NBPF10: variants seen among roughly 807,000 people sequenced by gnomAD.
The protein encoded by NBPF10 is NBPF family member NBPF10.
Under a neutral mutation model 77.9 loss-of-function variants are expected in NBPF10, and 63 were observed. The observed-to-expected ratio is 0.81, with a 90% CI of 0.66 to 1.00. The LOEUF (loss-of-function observed/expected upper bound fraction) is 1.00. Among genes scored for constraint, NBPF10 ranks in the 50% least tolerant of loss-of-function variants. NBPF10 has a pLI of 0.00. For synonymous variants in NBPF10, 146 were observed against 264.5 expected, an observed-to-expected ratio of 0.55 and a Z score of 4.35; for missense variants, 522 against 679.8, an observed-to-expected ratio of 0.77 and a Z score of 2.58.
chr1:146,076,272 C>T (rs1179919837), intron 77 of NBPF10, among the ~76,000 whole-genome samples: 1 of 12,426 alleles, frequency 8.0e-5, no homozygotes, highest in African/African-American at 1.6e-4. Flanking sequence ...CACACACACA[C>T]ACACACACAC....
At position 146,127,927 on chromosome 1, in the gene NBPF10, T is replaced by C. The variant is rs1160429128; in HGVS notation, c.1801+192A>G. On this transcript the variant is annotated intron_variant, in intron 12 of 89. Coordinates refer to ENST00000583866, the Ensembl canonical transcript of NBPF10. ...GCATGGCCTGAGACTAGGAAGAGAG[T>C]AAAGCTCACTGACCCACCCCATGCC... 4.7e-4 allele frequency among the ~76,000 whole-genome samples: 69 copies of C among 147,622 alleles called. 3 individuals carry two copies. In the South Asian group the frequency reaches 0.011, roughly 24 times the overall value.
At chr1:146,067,135 C>T (rs781840521) in intron 89 of NBPF10, 45 bp downstream of exon 89, 5 of 629,386 alleles carry the variant, frequency 7.9e-6, no homozygotes, top group South Asian at 6.3e-5. Flanking sequence ...CTGTTGCCTC[C>T]AGGTGTTAAC....
chr1:146,143,025 C>A (rs1210552629), intron 1 of NBPF10, among the ~76,000 whole-genome samples: 1 of 110,420 alleles, frequency 9.1e-6, no homozygotes, highest in African/African-American at 2.8e-5. Flanking sequence ...GAACTCACAG[C>A]CCCTGAGGTC....
chr1:146,141,831 G>A lies in NBPF10; in HGVS notation c.279-13C>T, dbSNP rs782344010. ...GACTTTATATTGCCTAAGGTGAGACGGTAGAGAAAATTTAAGAGTAGAAAG... is the reference window on the plus strand; with the variant it reads ...GACTTTATATTGCCTAAGGTGAGACAGTAGAGAAAATTTAAGAGTAGAAAG... On this transcript the variant is annotated splice_polypyrimidine_tract_variant and intron_variant, in intron 2 of 89. Transcript: ENST00000583866. The A allele has an allele frequency of 2.2e-5, 29 of 1,318,622 alleles. 8 individuals are homozygous for A. The highest frequency in any genetic ancestry group is 5.6e-5 in the Admixed American group (3 of 53,170). The allele number at this position is 1,318,622 out of a possible 1,614,324, so 81.7% of individuals were successfully genotyped here. A position where few individuals can be genotyped will look rare whatever the true frequency, so the allele number is the denominator to read the frequency against.
intron 89 of NBPF10, 21 bp from the exon 90 acceptor site, chr1:146,066,582 A>G (rs200086827): frequency 7.9e-6 from 5 of 636,366 alleles, no homozygotes; most frequent in South Asian, 2.1e-5. Flanking sequence ...AGACAAAACT[A>G]AAGAAGCAGC....
chr1:146,067,879 C>G (rs1314407418), intron 88 of NBPF10, 124 bp downstream of exon 88: 2 of 696,178 alleles, frequency 2.9e-6, no homozygotes, highest in Admixed American at 2.0e-5. Context: ...AACCTATATG[C>G]GCCCATAGGT....
intron 14 of NBPF10, among the ~76,000 whole-genome samples, chr1:146,125,999 G>C (rs75733520): frequency 1.3e-5 from 2 of 151,730 alleles, no homozygotes; most frequent in Admixed American, 6.6e-5. Flanking sequence ...AACATCTTGA[G>C]AGTAGGATTA....
chr1:146,140,703 G>T (rs1222145579), intron 3 of NBPF10, 147 bp from the exon 4 acceptor site: 3 of 678,186 alleles, frequency 4.4e-6, no homozygotes, highest in Non-Finnish European at 6.8e-6. Context: ...AAAATGCCCT[G>T]GCATGGTTTC....
intron 19 of NBPF10, among the ~76,000 whole-genome samples, chr1:146,121,915 T>A (rs1658222864): frequency 2.0e-5 from 3 of 146,898 alleles, no homozygotes; most frequent in Admixed American, 2.0e-4. Context: ...ACCTAGTGAA[T>A]TGGCCAGGTG....
intron 12 of NBPF10, among the ~76,000 whole-genome samples, chr1:146,127,896 G>T (rs1307559678): frequency 7.1e-6 from 1 of 141,522 alleles, no homozygotes; most frequent in East Asian, 2.1e-4. Context: ...GTCCAGGTTG[G>T]CACGGGCATG....
chr1:146,067,950 C>A (rs1206951723), intron 88 of NBPF10, 53 bp downstream of exon 88: 5 of 647,032 alleles, frequency 7.7e-6, no homozygotes, highest in East Asian at 5.9e-5. Flanking sequence ...GGAATATCAC[C>A]CCTATCTGGA....
At chr1:146,136,001 C>G (rs1379209798) in intron 7 of NBPF10, among the ~76,000 whole-genome samples, 165 of 149,876 alleles carry the variant, frequency 1.1e-3, no homozygotes, top group East Asian at 4.0e-4. Context: ...AAGCCGCAGT[C>G]AGTCAGGAGG....
At chr1:146,139,092 C>CTT (rs782186835) in intron 5 of NBPF10, among the ~76,000 whole-genome samples, 241 of 82,438 alleles carry the variant, frequency 2.9e-3, no homozygotes, top group East Asian at 3.4e-3. Context: ...CAGAGACTTA[C>CTT]TTTTTTTTTT....
exon 90 of NBPF10, chr1:146,064,946 T>G (rs1463035339): frequency 2.2e-4 from 1 of 4,586 alleles, no homozygotes; most frequent in Middle Eastern, 0.014. Flanking sequence ...AAATTTGCAG[T>G]GTAGAGATAT....
intron 13 of NBPF10, 85 bp from the exon 14 acceptor site, chr1:146,126,493 G>A (rs587612306): frequency 8.3e-6 from 6 of 722,416 alleles, no homozygotes; most frequent in South Asian, 1.5e-5. Flanking sequence ...CTAACATAAG[G>A]AAGAGTTTGA....
chr1:146,109,347 G>T (rs1553660797), intron 35 of NBPF10, among the ~76,000 whole-genome samples: 1 of 66,018 alleles, frequency 1.5e-5, no homozygotes, highest in Non-Finnish European at 3.4e-5. Flanking sequence ...CACACACACA[G>T]AGAGAGAGAG....
At chr1:146,139,092 CTTTTTTTTTTTT>C (rs782186835) in intron 5 of NBPF10, among the ~76,000 whole-genome samples, 6 of 82,452 alleles carry the variant, frequency 7.3e-5, no homozygotes, top group Middle Eastern at 7.0e-3. Flanking sequence ...CAGAGACTTA[CTTTTTTTTTTTT>C]TTTTTTTTTT....
chr1:146,125,622 G>C lies in NBPF10; in HGVS notation c.2027-106C>G. 3 of 523,160 alleles carry C rather than the reference G, an allele frequency of 5.7e-6. No individual in the cohort carries two copies. In the South Asian group the frequency reaches 6.0e-5, roughly 11 times the overall value. The allele number at this position is 523,160 out of a possible 1,614,324, so 32.4% of individuals were successfully genotyped here. ...AGGGACTTCAGGCTCCTCAGCATGA[G>C]AATAGGACACTGTGAGAGATATTCT... On this transcript the variant is annotated intron_variant, in intron 14 of 89. Transcript: ENST00000583866.
intron 81 of NBPF10, among the ~76,000 whole-genome samples, chr1:146,073,122 A>G (rs1655823610): frequency 1.4e-5 from 1 of 73,040 alleles, no homozygotes; most frequent in African/African-American, 8.8e-5. Context: ...AGGGAGGAGA[A>G]AGTGAGCTCA....
Sources: gnomAD v4.1 joint callset for allele counts (sites outside exome capture counted in the v4.1 genomes callset) on GRCh38, gnomAD v4.1.1 for gene constraint, MANE v1.5 for transcripts, NCBI Gene and HGNC (gene_info 2026-07-23, HGNC 2026-07-21) for gene names.